The following HID1 variants were observed in gnomAD, a reference collection of about 807,000 sequenced individuals.
The protein encoded by HID1 is protein HID1.
Under a neutral mutation model 89.7 loss-of-function variants are expected in HID1, and 42 were observed. That is an observed-to-expected ratio of 0.47 (90% CI 0.37 to 0.61). The LOEUF (loss-of-function observed/expected upper bound fraction) is 0.61. Among genes scored for constraint, HID1 ranks in the 20% least tolerant of loss-of-function variants. The pLI is 0.00. For missense variants in HID1, 854 were observed against 1,039.3 expected (o/e 0.82, Z 2.45); for synonymous variants, 442 against 433.8 (o/e 1.02, Z -0.24).
chr17:74,951,466 AGGCCCT>A lies in HID1; in HGVS notation c.*98_*103del, dbSNP rs1423213066. On this transcript the variant is annotated 3_prime_UTR_variant, in exon 19 of 19. Transcript: ENST00000425042. Reference sequence around the variant, plus strand: ...CACTCAGGGCCACTCTGCCTGTTCCAGGCCCTGATCGTGGTAATTTAAAGCTCAGAA... The same window carrying A: ...CACTCAGGGCCACTCTGCCTGTTCCAGATCGTGGTAATTTAAAGCTCAGAA... 3.9e-5 allele frequency: 45 copies of A among 1,143,350 alleles called. No individual in the cohort carries two copies. Among genetic ancestry groups the A allele is most frequent in the Non-Finnish European group, 1.3e-6 (1 of 777,910 alleles). The allele number at this position is 1,143,350 out of a possible 1,614,324, so 70.8% of individuals were successfully genotyped here. A position where few individuals can be genotyped will look rare whatever the true frequency, so the allele number is the denominator to read the frequency against.
At chr17:74,955,672 G>T (rs1193915052) in intron 13 of HID1, 120 bp downstream of exon 13, 3 of 811,850 alleles carry the variant, frequency 3.7e-6, no homozygotes, top group Non-Finnish European at 3.9e-6. Context: ...GAATGAACTG[G>T]GGGCAGAAGG....
At chr17:74,957,612 A>ATTT (rs2039410253) in intron 12 of HID1, among the ~76,000 whole-genome samples, 94 of 150,862 alleles carry the variant, frequency 6.2e-4, no homozygotes, top group African/African-American at 1.4e-3. Context: ...TTTTTTTTTA[A>ATTT]AAAAAGGCCA....
At position 74,959,015 on chromosome 17, in the gene HID1, G is replaced by GCAGC. The variant is rs1461939290; in HGVS notation, c.1041_1044dup (p.Leu349AlafsTer13). 1 of 1,594,274 alleles carries GCAGC rather than the reference G, an allele frequency of 6.3e-7. No individual in the cohort carries two copies. ...TAGGTCTGGAGCAGGGGGTTGGACA[G>GCAGC]CAGCCGGGCTATACCCTTGAGGATG... On this transcript the variant is annotated frameshift_variant, in exon 9 of 19. Coordinates refer to ENST00000425042, the MANE Select transcript of HID1 (RefSeq NM_030630.3). LOFTEE classifies it high-confidence loss of function. The surrounding 1 kb of genome is among the most constrained non-coding windows in gnomAD (Gnocchi z 4.6).
Position 74,951,798 on chromosome 17 carries a change from T to G in HID1, c.2303+107A>C, listed in dbSNP as rs113971646. On this transcript the variant is annotated intron_variant, in intron 18 of 18. Coordinates refer to ENST00000425042, the MANE Select transcript of HID1 (RefSeq NM_030630.3). ...CAGGCAAGGCCGCCTTAGTTGACTG[T>G]CTTGACATGAAGTCCACCATAGGTG... 3.1e-5 allele frequency: 43 copies of G among 1,394,734 alleles called. No homozygotes were observed. In the African/African-American group the frequency reaches 5.9e-4, roughly 19 times the overall value. The allele number at this position is 1,394,734 out of a possible 1,614,324, so 86.4% of individuals were successfully genotyped here.
rs1184261204 is a variant in HID1, at chr17:74,962,010, G to A, written c.612-21C>T. Reference sequence around the variant, plus strand: ...CCATCCTTGTAGGAGGAAGGGGGAGGGCACCTTAGGATCCCAGTCCCCTCT... The same window carrying A: ...CCATCCTTGTAGGAGGAAGGGGGAGAGCACCTTAGGATCCCAGTCCCCTCT... On this transcript the variant is annotated intron_variant, in intron 5 of 18. Coordinates refer to ENST00000425042, the MANE Select transcript of HID1 (RefSeq NM_030630.3). The surrounding 1 kb of genome is among the most constrained non-coding windows in gnomAD (Gnocchi z 4.3). 1 of 1,512,888 alleles carries A rather than the reference G, an allele frequency of 6.6e-7. No individual in the cohort carries two copies. The highest frequency in any genetic ancestry group is 1.4e-5 in the African/African-American group (1 of 71,964). 93.7% of individuals were successfully genotyped at this position (1,512,888 alleles called of 1,614,324 possible).
Position 74,955,969 on chromosome 17 carries a change from G to A in HID1, c.1472-13C>T, listed in dbSNP as rs2039384668. 1 of 1,612,158 alleles carries A rather than the reference G, an allele frequency of 6.2e-7. No homozygotes were observed. Among genetic ancestry groups the A allele is most frequent in the African/African-American group, 1.3e-5 (1 of 74,968 alleles). On this transcript the variant is annotated splice_polypyrimidine_tract_variant and intron_variant, in intron 12 of 18. Transcript: ENST00000425042. The stretch of plus-strand genomic sequence containing the variant: ...AGGTAGGGGGACACTGTAAGGGAGG[G>A]GTCAGCTCACTCCTGGGCCCCTCAG...
rs148634863 is a variant in HID1 at position 74,954,228 on chromosome 17, C to A, written c.1774G>T (p.Gly592Cys). 1 of 1,595,190 alleles carries A rather than the reference C, an allele frequency of 6.3e-7. No homozygotes were observed. Among genetic ancestry groups the A allele is most frequent in the South Asian group, 1.1e-5 (1 of 87,722 alleles). Reference sequence around the variant, plus strand: ...TCCATGGAGGTGCCCTCCTGGGAGCCGGTGCGAGACAAGGGCTCAGGTGTC... The same window carrying A: ...TCCATGGAGGTGCCCTCCTGGGAGCAGGTGCGAGACAAGGGCTCAGGTGTC... ...RRTPEPLSRTGSQEGTSMEGS... is the reference protein window; with the variant it reads ...RRTPEPLSRTCSQEGTSMEGS... Residue 592 changes from glycine to cysteine, a missense_variant, in exon 14 of 19, where the codon GGC becomes TGC. By Grantham distance (159) the Gly-to-Cys change is radical. Coordinates refer to ENST00000425042, the MANE Select transcript of HID1 (RefSeq NM_030630.3).
rs1392433985 is a variant in HID1, at chr17:74,953,644, G to A, written c.1872C>T (p.Asp624=). Residue 624 remains aspartate (D), a synonymous_variant, in exon 15 of 19, where the codon GAC becomes GAT. Transcript: ENST00000425042. ...ACACCTGGGACTTCTCGGTCAGCTT[G>A]TCAATGCCTGGGCAGGGCACAGGTG... ...KTSLVATPGI[D]KLTEKSQVSE... The A allele has an allele frequency of 1.9e-6, 3 of 1,613,980 alleles. No homozygotes were observed. In the South Asian group the frequency reaches 3.3e-5, roughly 18 times the overall value.
At chr17:74,967,353 A>G (rs973713576) in intron 1 of HID1, among the ~76,000 whole-genome samples, 1 of 151,528 alleles carries the variant, frequency 6.6e-6, no homozygotes, top group Non-Finnish European at 1.5e-5. Context: ...AGCCTGGCCA[A>G]TATGGTGAAA....
Position 74,958,980 on chromosome 17 carries a change from G to A in HID1, c.1080C>T (p.Asn360=). The A allele has an allele frequency of 1.2e-6, 2 of 1,605,356 alleles. No individual in the cohort carries two copies. The highest frequency in any genetic ancestry group is 1.7e-6 in the Non-Finnish European group (2 of 1,177,238). Residue 360 remains asparagine, a synonymous_variant, in exon 9 of 19, where the codon AAC becomes AAT. Transcript: ENST00000425042. The surrounding 1 kb of genome is among the most constrained non-coding windows in gnomAD (Gnocchi z 5.2). Reference sequence around the variant, plus strand: ...GGTGGAACTGGATCTTCTTGGTGGAGTTAGGCAGGTAGGTCTGGAGCAGGG... The same window carrying A: ...GGTGGAACTGGATCTTCTTGGTGGAATTAGGCAGGTAGGTCTGGAGCAGGG... The part of the protein sequence containing the change: ...SNPLLQTYLP[N]STKKIQFHQE...
Position 74,964,647 on chromosome 17 carries a change from A to G in HID1, c.67-15T>C. On this transcript the variant is annotated splice_polypyrimidine_tract_variant and intron_variant, in intron 1 of 18. Transcript: ENST00000425042. ...GCTTCCACGGGCTGTGGGGGGACCA[A>G]GGGTCCAGAGTTACACAACTCCTGG... The G allele has an allele frequency of 6.2e-7, 1 of 1,607,902 alleles. No individual in the cohort carries two copies. Among genetic ancestry groups the G allele is most frequent in the Non-Finnish European group, 8.5e-7 (1 of 1,177,780 alleles).
Position 74,958,294 on chromosome 17 carries a change from A to G in HID1, c.1392+33T>C. ...TCAGCCAAGAGGACACCACCCCTGC[A>G]CCTCCTGGGCCCGGCCGCACGAGCC... On this transcript the variant is annotated intron_variant, in intron 11 of 18. Coordinates refer to ENST00000425042, the MANE Select transcript of HID1 (RefSeq NM_030630.3). The surrounding 1 kb of genome is among the most constrained non-coding windows in gnomAD (Gnocchi z 5.2). The G allele has an allele frequency of 1.9e-6, 3 of 1,610,664 alleles. No individual in the cohort carries two copies. Among genetic ancestry groups the G allele is most frequent in the Admixed American group, 3.4e-5 (2 of 59,634 alleles).
At chr17:74,971,354 G>A (rs2039644414) in intron 1 of HID1, among the ~76,000 whole-genome samples, 1 of 152,216 alleles carries the variant, frequency 6.6e-6, no homozygotes, top group Non-Finnish European at 1.5e-5. Context: ...GCTCCAGAAC[G>A]ACCCAGGAGC....
In HID1 at chr17:74,959,838, A is replaced by C; in HGVS notation, c.1008+43T>G. 6.2e-7 allele frequency: 1 copy of C among 1,601,098 alleles called. No homozygotes were observed. Among genetic ancestry groups the C allele is most frequent in the Non-Finnish European group, 8.6e-7 (1 of 1,169,322 alleles). On this transcript the variant is annotated intron_variant, in intron 8 of 18. Transcript: ENST00000425042. This position sits in a 1 kb window ranked among gnomAD's most constrained non-coding sequence, Gnocchi z 4.6. ...TCCCCCATATCCCTGTCTCACTTGCATCCCCCTGCACCCTGCAAAGCCACT... is the reference window on the plus strand; with the variant it reads ...TCCCCCATATCCCTGTCTCACTTGCCTCCCCCTGCACCCTGCAAAGCCACT...
In HID1 at chr17:74,972,577, C is replaced by T; in HGVS notation, c.66+14G>A. ...CGGCAGGTGGATGGGGACGCCGGGG[C>T]CCCCGTGGCGCACCTGCGTCTTGGT... On this transcript the variant is annotated intron_variant, in intron 1 of 18. Coordinates refer to ENST00000425042, the MANE Select transcript of HID1 (RefSeq NM_030630.3). The surrounding 1 kb of genome is among the most constrained non-coding windows in gnomAD (Gnocchi z 6.4). The T allele has an allele frequency of 4.5e-6, 7 of 1,544,996 alleles. No homozygotes were observed. Among genetic ancestry groups the T allele is most frequent in the Non-Finnish European group, 6.1e-6 (7 of 1,143,654 alleles).
intron 12 of HID1, chr17:74,957,839 G>A (rs1598621313): frequency 2.8e-6 from 1 of 359,978 alleles, no homozygotes; most frequent in East Asian, 6.2e-5. Flanking sequence ...GGCGGAGGTT[G>A]CAGTGAGCTG....
At chr17:74,964,175 G>A in intron 2 of HID1, 1 of 594,456 alleles carries the variant, frequency 1.7e-6, no homozygotes, top group Non-Finnish European at 3.0e-6. Context: ...GCCTTGCTAA[G>A]TGAGTCTCCC....
In HID1 at chr17:74,972,517, G is replaced by A. The variant is rs1039386990; in HGVS notation, c.66+74C>T. On this transcript the variant is annotated intron_variant, in intron 1 of 18. Coordinates refer to ENST00000425042, the MANE Select transcript of HID1 (RefSeq NM_030630.3). The surrounding 1 kb of genome is among the most constrained non-coding windows in gnomAD (Gnocchi z 6.4). ...GTCCCCCCATCTCCCGACGAGCCAAGTTCGCGTACCCCCGGCCCTGCCCAG... is the reference window on the plus strand; with the variant it reads ...GTCCCCCCATCTCCCGACGAGCCAAATTCGCGTACCCCCGGCCCTGCCCAG... 7.2e-7 allele frequency: 1 copy of A among 1,396,758 alleles called. No individual in the cohort carries two copies. Among genetic ancestry groups the A allele is most frequent in the Non-Finnish European group, 9.8e-7 (1 of 1,024,982 alleles). 86.5% of individuals were successfully genotyped at this position (1,396,758 alleles called of 1,614,324 possible).
At position 74,951,459 on chromosome 17, in the gene HID1, C is replaced by G. The variant is rs2039296438; in HGVS notation, c.*111G>C. ...GGCATGACACTCAGGGCCACTCTGC[C>G]TGTTCCAGGCCCTGATCGTGGTAAT... On this transcript the variant is annotated 3_prime_UTR_variant, in exon 19 of 19. Transcript: ENST00000425042. The G allele has an allele frequency of 2.8e-6, 3 of 1,079,390 alleles. No individual in the cohort carries two copies. The highest frequency in any genetic ancestry group is 4.2e-6 in the Non-Finnish European group (3 of 722,694). The allele number at this position is 1,079,390 out of a possible 1,614,324, so 66.9% of individuals were successfully genotyped here. A position where few individuals can be genotyped will look rare whatever the true frequency, so the allele number is the denominator to read the frequency against.
Sources: allele counts gnomAD v4.1 joint callset (sites outside exome capture counted in the v4.1 genomes callset), GRCh38; gene constraint gnomAD v4.1.1; non-coding constraint Gnocchi (gnomAD v3.1); transcripts MANE v1.5; gene names NCBI Gene and HGNC (gene_info 2026-07-23, HGNC 2026-07-21).